CAMK2D: variants seen among roughly 807,000 people sequenced by gnomAD.
CAMK2D encodes calcium/calmodulin dependent protein kinase II delta.
CAMK2D carries 37 observed loss-of-function variants against 84.0 expected under a neutral mutation model. That is an observed-to-expected ratio of 0.44 (90% confidence interval 0.34 to 0.58). The LOEUF is 0.58. Ranked by LOEUF, CAMK2D falls within the 20% of genes least tolerant of loss-of-function variation. CAMK2D has a pLI of 0.02. For missense variants in CAMK2D, 448 were observed against 652.5 expected, an observed-to-expected ratio of 0.69 and a Z score of 3.41; for synonymous variants, 202 against 212.5, an observed-to-expected ratio of 0.95 and a Z score of 0.43.
chr4:113,749,532 TA>T (rs2099612435), intron 2 of CAMK2D, among the ~76,000 whole-genome samples: 1 of 152,202 alleles, frequency 6.6e-6, no homozygotes, highest in African/African-American at 2.4e-5. Flanking sequence ...CCATACTGCT[TA>T]AAAATAAGCT....
intron 4 of CAMK2D, among the ~76,000 whole-genome samples, chr4:113,587,236 A>T (rs1485991731): frequency 6.6e-6 from 1 of 152,208 alleles, no homozygotes; most frequent in Non-Finnish European, 1.5e-5. Flanking sequence ...CAATGTGTAT[A>T]TGCTTGTCAG....
Position 113,735,289 on chromosome 4 carries a change from G to GAAA in CAMK2D, c.160+24028_160+24030dup, listed in dbSNP as rs769117708. 1.1e-3 allele frequency among the ~76,000 whole-genome samples: 47 copies of GAAA among 44,760 alleles called. 2 individuals are homozygous for GAAA. Among genetic ancestry groups the GAAA allele is most frequent in the African/African-American group, 2.3e-3 (30 of 13,210 alleles). 29.4% of individuals were successfully genotyped at this position (44,760 alleles called of 152,430 possible). ...CAACATGGCAAAACCATCTCTACAGGAAAAAAAAAAAAAAAAAAAAAAAAA... is the reference window on the plus strand; with the variant it reads ...CAACATGGCAAAACCATCTCTACAGGAAAAAAAAAAAAAAAAAAAAAAAAAAAA... On this transcript the variant is annotated intron_variant, in intron 2 of 20. Coordinates refer to ENST00000511664, the MANE Select transcript of CAMK2D (RefSeq NM_001321571.2).
At chr4:113,631,330 T>C (rs1276267163) in intron 3 of CAMK2D, among the ~76,000 whole-genome samples, 1 of 152,094 alleles carries the variant, frequency 6.6e-6, no homozygotes, top group Non-Finnish European at 1.5e-5. Flanking sequence ...CTGGGCAACA[T>C]GGCAAAACCT....
intron 2 of CAMK2D, among the ~76,000 whole-genome samples, chr4:113,693,102 A>G (rs142165187): frequency 1.3e-5 from 2 of 152,256 alleles, no homozygotes; most frequent in African/African-American, 4.8e-5. Context: ...TACTAAGCCA[A>G]CCTTTCTGAG....
At chr4:113,622,761 C>A (rs1445393276) in intron 3 of CAMK2D, among the ~76,000 whole-genome samples, 1 of 152,096 alleles carries the variant, frequency 6.6e-6, no homozygotes, top group African/African-American at 2.4e-5. Context: ...AACCCTGCCT[C>A]AAAAATATAT....
intron 16 of CAMK2D, among the ~76,000 whole-genome samples, chr4:113,484,314 T>C (rs1237287809): frequency 6.6e-6 from 1 of 152,186 alleles, no homozygotes; most frequent in East Asian, 1.9e-4. Context: ...GGAATAGCTT[T>C]AAAATGTCTC....
chr4:113,723,733 A>G (rs2099538021), intron 2 of CAMK2D, among the ~76,000 whole-genome samples: 1 of 152,198 alleles, frequency 6.6e-6, no homozygotes, highest in Non-Finnish European at 1.5e-5. Context: ...GAAATTATAC[A>G]TTTCCAATAA....
At chr4:113,709,755 A>ATATATATATATATATATATATGTG (rs2099484490) in intron 2 of CAMK2D, among the ~76,000 whole-genome samples, 1 of 97,662 alleles carries the variant, frequency 1.0e-5, no homozygotes, top group African/African-American at 4.6e-5. Context: ...CGATATATAT[A>ATATATATATATATATATATATGTG]TATATATATA....
intron 8 of CAMK2D, among the ~76,000 whole-genome samples, chr4:113,523,800 CAAACAAACAAATAAAT>C (rs1054030858): frequency 1.5e-5 from 2 of 133,914 alleles, no homozygotes; most frequent in African/African-American, 5.3e-5. Flanking sequence ...AATAAATAAA[CAAACAAACAAATAAAT>C]AAATAATTAG....
At chr4:113,569,821 C>T (rs2098743891) in intron 4 of CAMK2D, among the ~76,000 whole-genome samples, 1 of 151,972 alleles carries the variant, frequency 6.6e-6, no homozygotes, top group Non-Finnish European at 1.5e-5. Flanking sequence ...ACATATGAGT[C>T]GATTCCTTTA....
At chr4:113,593,788 G>T (rs968919049) in intron 4 of CAMK2D, among the ~76,000 whole-genome samples, 2 of 152,148 alleles carry the variant, frequency 1.3e-5, no homozygotes, top group African/African-American at 4.8e-5. Context: ...TTAAGCACCA[G>T]TGTAGATCAC....
intron 4 of CAMK2D, among the ~76,000 whole-genome samples, chr4:113,591,371 C>T (rs554461789): frequency 9.2e-5 from 14 of 152,232 alleles, no homozygotes; most frequent in African/African-American, 2.9e-4. Context: ...AAATAGAAGG[C>T]TTCAATAGAA....
intron 3 of CAMK2D, among the ~76,000 whole-genome samples, chr4:113,639,973 G>C (rs934503468): frequency 3.9e-5 from 6 of 152,068 alleles, no homozygotes; most frequent in Admixed American, 3.3e-4. Flanking sequence ...ATGTGGGTTA[G>C]GGGGAGGGGA....
At chr4:113,646,103 G>A (rs2099150985) in intron 3 of CAMK2D, among the ~76,000 whole-genome samples, 1 of 152,198 alleles carries the variant, frequency 6.6e-6, no homozygotes, top group Non-Finnish European at 1.5e-5. Context: ...CAGGGCCATT[G>A]ATAGTCATTT....
intron 11 of CAMK2D, among the ~76,000 whole-genome samples, chr4:113,513,619 A>T (rs1332367629): frequency 1.3e-5 from 2 of 152,184 alleles, no homozygotes; most frequent in African/African-American, 4.8e-5. Context: ...TGAAGGAAGG[A>T]TCCACAGCAT....
chr4:113,491,777 CTT>C (rs2097847159), intron 16 of CAMK2D, among the ~76,000 whole-genome samples: 1 of 151,876 alleles, frequency 6.6e-6, no homozygotes, highest in South Asian at 2.1e-4. Context: ...GTCCTGGACT[CTT>C]TTTGGTTGGT....
At chr4:113,570,419 A>G (rs1040963592) in intron 4 of CAMK2D, among the ~76,000 whole-genome samples, 1 of 152,206 alleles carries the variant, frequency 6.6e-6, no homozygotes, top group Non-Finnish European at 1.5e-5. Context: ...ATAGTAATCA[A>G]AACAGCAGAG....
At chr4:113,461,221 C>A (rs2097369376) in intron 17 of CAMK2D, among the ~76,000 whole-genome samples, 1 of 152,004 alleles carries the variant, frequency 6.6e-6, no homozygotes, top group Non-Finnish European at 1.5e-5. Flanking sequence ...AAGGGGTGCA[C>A]AATTTTAAAT....
chr4:113,672,689 AATT>A (rs926527334), intron 2 of CAMK2D, among the ~76,000 whole-genome samples: 1 of 148,646 alleles, frequency 6.7e-6, no homozygotes, highest in African/African-American at 2.6e-5. Context: ...GAATTAATTT[AATT>A]AATTAATTAA....
Sources: allele counts gnomAD v4.1 joint callset (sites outside exome capture counted in the v4.1 genomes callset), GRCh38; gene constraint gnomAD v4.1.1; transcripts MANE v1.5; gene names NCBI Gene and HGNC (gene_info 2026-07-23, HGNC 2026-07-21).